The following USP31 variants were observed in gnomAD, a reference collection of about 807,000 sequenced individuals.
USP31 encodes ubiquitin carboxyl-terminal hydrolase 31.
In USP31, 44 loss-of-function variants were observed where a neutral mutation model predicts 119.4. The observed-to-expected ratio is 0.37, with a 90% CI of 0.29 to 0.47. USP31 has a LOEUF of 0.47. Among genes scored for constraint, USP31 ranks in the 20% least tolerant of loss-of-function variants. The pLI is 0.99. For synonymous variants in USP31, 749 were observed against 705.6 expected (o/e 1.06, Z -0.97); for missense variants, 1,643 against 1,730.2 (o/e 0.95, Z 0.89).
At chr16:23,088,082 G>A (rs1046170164) in intron 7 of USP31, among the ~76,000 whole-genome samples, 1 of 152,192 alleles carries the variant, frequency 6.6e-6, no homozygotes, top group African/African-American at 2.4e-5. Flanking sequence ...TAGGACAGCA[G>A]GTGGCAACGG....
At chr16:23,121,872 C>A (rs1427136224) in intron 1 of USP31, among the ~76,000 whole-genome samples, 1 of 152,020 alleles carries the variant, frequency 6.6e-6, no homozygotes, top group Non-Finnish European at 1.5e-5. Context: ...TTTATATAGC[C>A]TCAAGAAATA....
At chr16:23,117,390 A>G (rs1019572595) in intron 1 of USP31, among the ~76,000 whole-genome samples, 1 of 152,266 alleles carries the variant, frequency 6.6e-6, no homozygotes, top group African/African-American at 2.4e-5. Flanking sequence ...AACGACTAGT[A>G]AAGTATGCAT....
At chr16:23,073,692 A>G (rs777152950) in intron 14 of USP31, 30 bp downstream of exon 14, 8 of 1,605,124 alleles carry the variant, frequency 5.0e-6, no homozygotes, top group Non-Finnish European at 6.8e-6. Flanking sequence ...GCTCTGGAAA[A>G]AACTGCCCAA....
intron 11 of USP31, among the ~76,000 whole-genome samples, chr16:23,084,522 C>G (rs994317507): frequency 7.3e-5 from 11 of 151,622 alleles, no homozygotes; most frequent in Admixed American, 6.6e-4. Context: ...TTCTTAGTAC[C>G]AAAAAGTCAA....
chr16:23,123,269 A>C (rs1346105232), intron 1 of USP31, among the ~76,000 whole-genome samples: 1 of 152,140 alleles, frequency 6.6e-6, no homozygotes, highest in South Asian at 2.1e-4. Flanking sequence ...TGGGCGCGGC[A>C]GCTCACGCCT....
chr16:23,079,960 C>G lies in USP31; in HGVS notation c.2162G>C (p.Gly721Ala), dbSNP rs772625485. The G allele has an allele frequency of 6.2e-7, 1 of 1,612,014 alleles. No homozygotes were observed. ...AVCNHHGTMQGGHYTAYCKNS... is the reference protein window; with the variant it reads ...AVCNHHGTMQAGHYTAYCKNS... ...ACACTGCAGACCTGTGTAGTGCCCC[C>G]CTTGCATGGTGCCATGGTGATTGCA... is the stretch of plus-strand genomic sequence containing the variant. Residue 721 changes from glycine (G) to alanine (A), a missense_variant, in exon 13 of 16, where the codon GGG becomes GCG. Transcript: ENST00000219689.
intron 13 of USP31, among the ~76,000 whole-genome samples, chr16:23,078,722 G>A (rs999889016): frequency 2.6e-5 from 4 of 152,210 alleles, no homozygotes; most frequent in Non-Finnish European, 5.9e-5. Context: ...CCCAGGGCAA[G>A]CAGGATGTGA....
intron 7 of USP31, 70 bp from the exon 8 acceptor site, chr16:23,087,905 T>A: frequency 7.2e-7 from 1 of 1,381,272 alleles, no homozygotes; most frequent in Non-Finnish European, 1.0e-6. Flanking sequence ...TCTTTTTTTC[T>A]CGATCTCTTA....
chr16:23,093,741 T>C (rs1901473889), intron 6 of USP31, among the ~76,000 whole-genome samples: 3 of 152,190 alleles, frequency 2.0e-5, no homozygotes, highest in Admixed American at 6.5e-5. Context: ...ATGCTCATAG[T>C]AGGACTATTC....
intron 1 of USP31, among the ~76,000 whole-genome samples, chr16:23,114,695 TCAA>T (rs1402775112): frequency 1.3e-5 from 2 of 152,170 alleles, no homozygotes; most frequent in Non-Finnish European, 2.9e-5. Context: ...CCAAGGCTGC[TCAA>T]CAACATGTTT....
chr16:23,147,092 G>C (rs900208130), intron 1 of USP31, among the ~76,000 whole-genome samples: 7 of 151,768 alleles, frequency 4.6e-5, no homozygotes, highest in African/African-American at 1.5e-4. Context: ...CCTTCTCCCT[G>C]TGTGACTTCA....
At chr16:23,084,762 G>A (rs903846465) in intron 11 of USP31, 98 bp downstream of exon 11, 27 of 1,516,710 alleles carry the variant, frequency 1.8e-5, no homozygotes, top group African/African-American at 9.7e-5. Context: ...AAAATCCTGC[G>A]GCGACTTCTG....
At position 23,068,411 on chromosome 16, in the gene USP31, C is replaced by G; in HGVS notation, c.3694G>C (p.Ala1232Pro). ...EDKGLSFFKSALRQKETRRST... is the reference protein window; with the variant it reads ...EDKGLSFFKSPLRQKETRRST... ...CGCCGGGTTTCCTTCTGTCTCAAGG[C>G]TGATTTGAAGAAGGACAGCCCCTTG... Residue 1232 changes from alanine (A) to proline (P), a missense_variant, in exon 16 of 16, where the codon GCC becomes CCC. Physicochemically the swap from Ala to Pro is conservative, Grantham distance 27 (BLOSUM62 -1). Coordinates refer to ENST00000219689, the MANE Select transcript of USP31 (RefSeq NM_020718.4). The G allele has an allele frequency of 1.2e-6, 2 of 1,613,802 alleles. No individual in the cohort carries two copies. The highest frequency in any genetic ancestry group is 1.7e-6 in the Non-Finnish European group (2 of 1,180,030).
chr16:23,148,726 C>G lies in USP31; in HGVS notation c.545G>C (p.Gly182Ala). Residue 182 changes from glycine to alanine, a missense_variant, in exon 1 of 16, where the codon GGC becomes GCC. This residue lies in a region of USP31 where 302 missense variants were observed against 262.6 expected (regional missense o/e 1.15). Coordinates refer to ENST00000219689, the MANE Select transcript of USP31 (RefSeq NM_020718.4). ...CAGCTGCTCAGTGACCTCGCCCTGG[C>G]CCTGCGCGCCGCGGCCCGCAGGCTG... is the stretch of plus-strand genomic sequence containing the variant. ...PEQPAGRGAQ[G>A]QGEVTEQLAH... 6.7e-7 allele frequency: 1 copy of G among 1,483,098 alleles called. No homozygotes were observed. Among genetic ancestry groups the G allele is most frequent in the Non-Finnish European group, 8.9e-7 (1 of 1,119,610 alleles). 91.9% of individuals were successfully genotyped at this position (1,483,098 alleles called of 1,614,324 possible).
At chr16:23,093,753 TA>T (rs1458758824) in intron 6 of USP31, among the ~76,000 whole-genome samples, 1 of 152,152 alleles carries the variant, frequency 6.6e-6, no homozygotes, top group African/African-American at 2.4e-5. Flanking sequence ...GGACTATTCA[TA>T]ATAGACAAAA....
At chr16:23,121,343 A>G (rs565614664) in intron 1 of USP31, among the ~76,000 whole-genome samples, 1 of 152,212 alleles carries the variant, frequency 6.6e-6, no homozygotes, top group East Asian at 1.9e-4. Context: ...CATTCTTTCA[A>G]TCCTGGACAC....
chr16:23,102,375 A>G lies in USP31; in HGVS notation c.1178T>C (p.Ile393Thr), dbSNP rs778625000. ...DLETVHESDCIFAFETPEIFR... is the reference protein window; with the variant it reads ...DLETVHESDCTFAFETPEIFR... Reference sequence around the variant, plus strand: ...TATTTCGGGAGTCTCAAAGGCAAAAATGCAGTCGCTTTCATGGACTGTTTC... The same window carrying G: ...TATTTCGGGAGTCTCAAAGGCAAAAGTGCAGTCGCTTTCATGGACTGTTTC... Residue 393 changes from isoleucine (I) to threonine (T), a missense_variant, in exon 6 of 16, where the codon ATT becomes ACT. By Grantham distance (89) the Ile-to-Thr change is moderately conservative (BLOSUM62 -1). Coordinates refer to ENST00000219689, the MANE Select transcript of USP31 (RefSeq NM_020718.4). 2 of 1,613,894 alleles carry G rather than the reference A, an allele frequency of 1.2e-6. No homozygotes were observed. The highest frequency in any genetic ancestry group is 2.2e-5 in the South Asian group (2 of 91,062).
intron 13 of USP31, among the ~76,000 whole-genome samples, chr16:23,076,817 A>C (rs1460077884): frequency 2.6e-5 from 4 of 152,242 alleles, no homozygotes; most frequent in Admixed American, 2.6e-4. Flanking sequence ...GGTGAACGCC[A>C]ATCAAGGATG....
At chr16:23,123,003 A>G (rs1902724763) in intron 1 of USP31, among the ~76,000 whole-genome samples, 1 of 152,252 alleles carries the variant, frequency 6.6e-6, no homozygotes, top group Non-Finnish European at 1.5e-5. Context: ...ATAAAGTCCA[A>G]CAACAGACAA....
Sources: gnomAD v4.1 joint callset for allele counts (sites outside exome capture counted in the v4.1 genomes callset) on GRCh38, gnomAD v4.1.1 for gene constraint, gnomAD v4.1.1 regional missense constraint, MANE v1.5 for transcripts, NCBI Gene and HGNC (gene_info 2026-07-23, HGNC 2026-07-21) for gene names.